TOPAZ1: variants seen among roughly 807,000 people sequenced by gnomAD.
The protein encoded by TOPAZ1 is protein TOPAZ1.
Under a neutral mutation model 172.2 loss-of-function variants are expected in TOPAZ1, and 66 were observed. The ratio of observed to expected loss-of-function variants is 0.38; its 90% CI spans 0.31 to 0.47. TOPAZ1 has a LOEUF of 0.47. Ranked by LOEUF, TOPAZ1 falls within the 20% of genes least tolerant of loss-of-function variation. The pLI is 0.99. For missense variants in TOPAZ1, 1,822 were observed against 1,972.4 expected (o/e 0.92, Z 1.44); for synonymous variants, 681 against 683.9 (o/e 1.00, Z 0.07).
intron 12 of TOPAZ1, among the ~76,000 whole-genome samples, chr3:44,293,667 T>C (rs1294455853): frequency 1.3e-5 from 2 of 152,204 alleles, no homozygotes; most frequent in African/African-American, 4.8e-5. Context: ...AGTCAAAAAG[T>C]TTGTAAAGTT....
At chr3:44,307,992 G>A (rs1451280029) in intron 15 of TOPAZ1, among the ~76,000 whole-genome samples, 1 of 152,094 alleles carries the variant, frequency 6.6e-6, no homozygotes, top group African/African-American at 2.4e-5. Context: ...ATTCAGACTG[G>A]GCCAGGAGCA....
At chr3:44,320,919 T>C (rs956047499) in intron 16 of TOPAZ1, 108 bp from the exon 17 acceptor site, 3 of 690,856 alleles carry the variant, frequency 4.3e-6, no homozygotes, top group Non-Finnish European at 7.0e-6. Context: ...TACATATGTT[T>C]AAGTTTTGCC....
At chr3:44,279,404 G>C (rs936148682) in intron 8 of TOPAZ1, among the ~76,000 whole-genome samples, 61 of 152,104 alleles carry the variant, frequency 4.0e-4, no homozygotes, top group African/African-American at 1.2e-3. Context: ...GTCTAATGCT[G>C]AGAGTAGGGT....
At chr3:44,303,885 T>C (rs1700304700) in intron 12 of TOPAZ1, 130 bp from the exon 13 acceptor site, 2 of 449,268 alleles carry the variant, frequency 4.5e-6, no homozygotes, top group Non-Finnish European at 7.8e-6. Flanking sequence ...CTCTGAAGAA[T>C]GTTTATAGCA....
Position 44,242,973 on chromosome 3 carries a change from C to G in TOPAZ1, c.467C>G (p.Ser156Cys). 6.4e-7 allele frequency: 1 copy of G among 1,550,656 alleles called. No individual in the cohort carries two copies. The highest frequency in any genetic ancestry group is 8.7e-7 in the Non-Finnish European group (1 of 1,146,760). ...ESFQTVECLQSLGKESIIEGI... is the reference protein window; with the variant it reads ...ESFQTVECLQCLGKESIIEGI... Reference sequence around the variant, plus strand: ...TTCCAAACAGTGGAATGCTTGCAGTCTTTGGGTAAGGAAAGTATAATAGAA... The same window carrying G: ...TTCCAAACAGTGGAATGCTTGCAGTGTTTGGGTAAGGAAAGTATAATAGAA... Residue 156 changes from serine (S) to cysteine (C), a missense_variant, in exon 2 of 20, where the codon TCT (serine) becomes TGT (cysteine). Around this residue, in one of 2 missense-constraint regions of TOPAZ1, gnomAD observed 1,489 missense variants for 1,490.8 expected, o/e 1.00. Coordinates refer to ENST00000309765, the MANE Select transcript of TOPAZ1 (RefSeq NM_001145030.2).
intron 12 of TOPAZ1, among the ~76,000 whole-genome samples, chr3:44,303,479 CTTT>C (rs34565826): frequency 0.39 from 43,437 of 110,312 alleles, 7,535 homozygotes; most frequent in East Asian, 0.73. Flanking sequence ...TGCTTGCTTG[CTTT>C]TTTTTTTTTT....
intron 12 of TOPAZ1, among the ~76,000 whole-genome samples, chr3:44,301,632 C>A (rs1324737527): frequency 6.6e-6 from 1 of 152,018 alleles, no homozygotes; most frequent in Non-Finnish European, 1.5e-5. Flanking sequence ...ATTTTCTGTT[C>A]GTATATTTGA....
chr3:44,327,820 C>G (rs148288013), intron 18 of TOPAZ1, among the ~76,000 whole-genome samples: 1 of 152,094 alleles, frequency 6.6e-6, no homozygotes, highest in African/African-American at 2.4e-5. Flanking sequence ...TCTCGGCTCA[C>G]TGCAGCCTCT....
At chr3:44,247,816 A>G (rs927265123) in intron 2 of TOPAZ1, among the ~76,000 whole-genome samples, 4 of 151,742 alleles carry the variant, frequency 2.6e-5, no homozygotes, top group Admixed American at 6.6e-5. Flanking sequence ...CTCCTGGCTA[A>G]TTTTTTTTGT....
chr3:44,269,865 C>T (rs1051502022), intron 7 of TOPAZ1, among the ~76,000 whole-genome samples: 1 of 152,098 alleles, frequency 6.6e-6, no homozygotes, highest in African/African-American at 2.4e-5. Flanking sequence ...CTCCTGACCT[C>T]GTGATCCTCC....
At position 44,242,313 on chromosome 3, in the gene TOPAZ1, G is replaced by C; in HGVS notation, c.260G>C (p.Gly87Ala). ...AGGCGTCAGGTGGAGGGGCGCAGGG[G>C]CCCGGTGAGCCCGTCAGACTCGTCA... ...AARRQVEGRR[G>A]PVSPSDSSDP... Residue 87 changes from glycine (G) to alanine (A), a missense_variant, in exon 1 of 20, where the codon GGC becomes GCC. Gly to Ala is a moderately conservative substitution (Grantham distance 60, BLOSUM62 0). Around this residue, in one of 2 missense-constraint regions of TOPAZ1, gnomAD observed 1,489 missense variants for 1,490.8 expected, o/e 1.00. Coordinates refer to ENST00000309765, the MANE Select transcript of TOPAZ1 (RefSeq NM_001145030.2). 6.4e-7 allele frequency: 1 copy of C among 1,552,022 alleles called. No homozygotes were observed. The highest frequency in any genetic ancestry group is 8.7e-7 in the Non-Finnish European group (1 of 1,146,994).
chr3:44,303,864 C>CT (rs1700304568), intron 12 of TOPAZ1, 151 bp from the exon 13 acceptor site: 3 of 421,966 alleles, frequency 7.1e-6, no homozygotes, highest in Admixed American at 4.5e-5. Flanking sequence ...ATATAGCTGC[C>CT]TTTTTTTCAG....
intron 19 of TOPAZ1, among the ~76,000 whole-genome samples, chr3:44,329,883 GC>G (rs2125707815): frequency 6.6e-6 from 1 of 152,258 alleles, no homozygotes; most frequent in African/African-American, 2.4e-5. Context: ...GAGCAAACCT[GC>G]CCTTTGCTCC....
chr3:44,286,532 A>C (rs1437733923), intron 9 of TOPAZ1, among the ~76,000 whole-genome samples: 1 of 152,228 alleles, frequency 6.6e-6, no homozygotes, highest in Non-Finnish European at 1.5e-5. Flanking sequence ...TTTAAAAATT[A>C]TTAAAACTTT....
At position 44,287,375 on chromosome 3, in the gene TOPAZ1, A is replaced by G. The variant is rs1169888024; in HGVS notation, c.3437-14A>G. 10 of 1,405,876 alleles carry G rather than the reference A, an allele frequency of 7.1e-6. No individual in the cohort carries two copies. In the African/African-American group the frequency reaches 1.0e-4, roughly 15 times the overall value. 87.1% of individuals were successfully genotyped at this position (1,405,876 alleles called of 1,614,324 possible). A position where few individuals can be genotyped will look rare whatever the true frequency, so the allele number is the denominator to read the frequency against. On this transcript the variant is annotated splice_polypyrimidine_tract_variant and intron_variant, in intron 9 of 19. Coordinates refer to ENST00000309765, the MANE Select transcript of TOPAZ1 (RefSeq NM_001145030.2). ...AGCAGCAAATGACTTTAGTATATAT[A>G]TTTTCATTTTCAGTAAACATATTTA...
chr3:44,269,283 G>A lies in TOPAZ1; in HGVS notation c.3228G>A (p.Lys1076=). Residue 1076 remains lysine (K), a synonymous_variant, in exon 7 of 20, where the codon AAG becomes AAA. Transcript: ENST00000309765. Reference sequence around the variant, plus strand: ...ATCCTGAAACTTGTGAAATATTCAAGAGGGAAAAAAATGTGGGGGTAAGTC... The same window carrying A: ...ATCCTGAAACTTGTGAAATATTCAAAAGGGAAAAAAATGTGGGGGTAAGTC... ...LQNPETCEIF[K]REKNVGVFQK... is the part of the protein sequence containing the mutation. 2 of 1,546,444 alleles carry A rather than the reference G, an allele frequency of 1.3e-6. No individual in the cohort carries two copies. Among genetic ancestry groups the A allele is most frequent in the South Asian group, 1.2e-5 (1 of 83,824 alleles).
At chr3:44,257,164 AC>A (rs1699713704) in intron 4 of TOPAZ1, among the ~76,000 whole-genome samples, 1 of 151,940 alleles carries the variant, frequency 6.6e-6, no homozygotes, top group Non-Finnish European at 1.5e-5. Context: ...CCTTGTCTCT[AC>A]AAAAAAAAAT....
At chr3:44,318,374 C>T (rs1575734371) in intron 16 of TOPAZ1, among the ~76,000 whole-genome samples, 3 of 152,092 alleles carry the variant, frequency 2.0e-5, no homozygotes, top group African/African-American at 4.8e-5. Flanking sequence ...ATCACTTGAA[C>T]CCGGGAGGCG....
At chr3:44,270,930 C>G (rs1699889235) in intron 8 of TOPAZ1, 120 bp downstream of exon 8, 4 of 903,080 alleles carry the variant, frequency 4.4e-6, no homozygotes, top group Non-Finnish European at 6.2e-6. Context: ...TGCTTTTGTT[C>G]TTTATATAAA....
Sources: gnomAD v4.1 joint callset for allele counts (sites outside exome capture counted in the v4.1 genomes callset) on GRCh38, gnomAD v4.1.1 for gene constraint, gnomAD v4.1.1 regional missense constraint, MANE v1.5 for transcripts, NCBI Gene and HGNC (gene_info 2026-07-23, HGNC 2026-07-21) for gene names.